The following ATE1 variants were observed in gnomAD, a reference collection of about 807,000 sequenced individuals.
The protein encoded by ATE1 is arginyltransferase 1, also known as arginyl-tRNA--protein transferase 1.
Under a neutral mutation model 70.5 loss-of-function variants are expected in ATE1, and 36 were observed. The observed-to-expected ratio is 0.51, with a 90% CI of 0.39 to 0.67. The LOEUF (loss-of-function observed/expected upper bound fraction) is 0.67. ATE1 is among the 30% of genes least tolerant of loss of function. The pLI is 0.00. For synonymous variants in ATE1, 232 were observed against 219.3 expected (o/e 1.06, Z -0.51); for missense variants, 593 against 629.5 (o/e 0.94, Z 0.62).
intron 7 of ATE1, chr10:121,898,733 A>G: frequency 1.5e-6 from 2 of 1,314,052 alleles, no homozygotes; most frequent in Non-Finnish European, 2.1e-6. Context: ...ACAGAAGTTC[A>G]GTAATACACA....
intron 1 of ATE1, among the ~76,000 whole-genome samples, chr10:121,926,092 A>T (rs1192436330): frequency 6.6e-6 from 1 of 151,488 alleles, no homozygotes; most frequent in African/African-American, 2.4e-5. Context: ...ACCTGTAATC[A>T]CAGCTACTCG....
chr10:121,760,187 T>C (rs571695506), intron 11 of ATE1, among the ~76,000 whole-genome samples: 88 of 152,354 alleles, frequency 5.8e-4, no homozygotes, highest in Non-Finnish European at 6.6e-4. Context: ...AGTGTTGTTT[T>C]CATGCCTGCT....
chr10:121,845,984 C>T (rs532336932), intron 8 of ATE1, among the ~76,000 whole-genome samples: 33 of 152,170 alleles, frequency 2.2e-4, no homozygotes, highest in African/African-American at 6.7e-4. Flanking sequence ...AATGAGCATT[C>T]CTAGCACCCA....
At chr10:121,910,512 CTG>C (rs1564955758) in intron 5 of ATE1, among the ~76,000 whole-genome samples, 2 of 151,970 alleles carry the variant, frequency 1.3e-5, no homozygotes, top group South Asian at 2.1e-4. Context: ...TAATGATAAA[CTG>C]AAGAATTTTA....
chr10:121,901,397 A>G (rs909725134), intron 6 of ATE1, among the ~76,000 whole-genome samples: 3 of 152,188 alleles, frequency 2.0e-5, no homozygotes, highest in Non-Finnish European at 4.4e-5. Flanking sequence ...AAGCTACAAA[A>G]TTCAAAGGCT....
chr10:121,862,909 A>G (rs1949526381), intron 8 of ATE1, among the ~76,000 whole-genome samples: 1 of 151,148 alleles, frequency 6.6e-6, no homozygotes, highest in Admixed American at 6.6e-5. Context: ...GAGATTTCTG[A>G]ATAACCCACC....
chr10:121,841,879 C>T (rs552643457), intron 8 of ATE1, among the ~76,000 whole-genome samples: 8 of 152,274 alleles, frequency 5.3e-5, no homozygotes, highest in East Asian at 1.9e-4. Context: ...CTTACCCAAA[C>T]ACCACCTGTT....
rs10603053 is a variant in ATE1 at position 121,851,090 on chromosome 10, C to CAAAAAA, written c.976-9833_976-9828dup. Among the ~76,000 whole-genome samples the CAAAAAA allele has an allele frequency of 3.5e-3, 152 of 43,228 alleles. 11 individuals carry two copies. The highest frequency in any genetic ancestry group is 9.5e-3 in the African/African-American group (96 of 10,132). The allele number at this position is 43,228 out of a possible 152,430, so 28.4% of individuals were successfully genotyped here. The stretch of plus-strand genomic sequence containing the variant: ...TGGGCCACAAAGCGAGACTCCATCT[C>CAAAAAA]AAAAAAAAAAAAAAAAAAAAAAAAA... On this transcript the variant is annotated intron_variant, in intron 8 of 11. Coordinates refer to ENST00000224652, the MANE Select transcript of ATE1 (RefSeq NM_001001976.3).
In ATE1 at chr10:121,928,021, T is replaced by C; in HGVS notation, c.-72A>G. 1 of 1,287,628 alleles carries C rather than the reference T, an allele frequency of 7.8e-7. No homozygotes were observed. The highest frequency in any genetic ancestry group is 9.8e-7 in the Non-Finnish European group (1 of 1,016,840). The allele number at this position is 1,287,628 out of a possible 1,614,324, so 79.8% of individuals were successfully genotyped here. ...CGCGGCCGCCGCCGCCACCCCACAA[T>C]GCAGCGCGCCGCCCGGGAGCCTCCC... On this transcript the variant is annotated 5_prime_UTR_variant, in exon 1 of 12. Coordinates refer to ENST00000224652, the MANE Select transcript of ATE1 (RefSeq NM_001001976.3).
chr10:121,849,026 C>T (rs575269128), intron 8 of ATE1, among the ~76,000 whole-genome samples: 14 of 152,096 alleles, frequency 9.2e-5, no homozygotes, highest in Non-Finnish European at 7.4e-5. Flanking sequence ...GCCTGGCCAA[C>T]GTGGTGAAAC....
intron 10 of ATE1, among the ~76,000 whole-genome samples, chr10:121,822,966 C>T (rs1242732014): frequency 6.6e-6 from 1 of 151,946 alleles, no homozygotes; most frequent in African/African-American, 2.4e-5. Context: ...AACCAGAGTC[C>T]AAGGAGAACT....
intron 11 of ATE1, among the ~76,000 whole-genome samples, chr10:121,762,330 A>G (rs1041688115): frequency 2.0e-5 from 3 of 152,164 alleles, no homozygotes; most frequent in Non-Finnish European, 2.9e-5. Context: ...AGAAAATTGC[A>G]CCTATGCTGT....
At chr10:121,780,154 G>T (rs1945921607) in intron 11 of ATE1, among the ~76,000 whole-genome samples, 1 of 152,098 alleles carries the variant, frequency 6.6e-6, no homozygotes, top group Non-Finnish European at 1.5e-5. Context: ...TTGCCTCCTT[G>T]ACATCTCTAC....
At chr10:121,826,602 G>A (rs796820899) in intron 10 of ATE1, among the ~76,000 whole-genome samples, 39 of 152,312 alleles carry the variant, frequency 2.6e-4, no homozygotes, top group African/African-American at 8.2e-4. Flanking sequence ...ACCGCACCTA[G>A]CAACAATAAT....
chr10:121,903,066 A>C, intron 5 of ATE1, among the ~76,000 whole-genome samples: 1 of 98,458 alleles, frequency 1.0e-5, no homozygotes, highest in African/African-American at 3.3e-5. Flanking sequence ...GAGTTTCACC[A>C]TGTTGGCCAG....
At chr10:121,848,619 A>AT (rs1424622493) in intron 8 of ATE1, among the ~76,000 whole-genome samples, 1 of 148,352 alleles carries the variant, frequency 6.7e-6, no homozygotes, top group African/African-American at 2.5e-5. Context: ...ACTCAAAAAA[A>AT]AAAAAAAAGG....
intron 3 of ATE1, among the ~76,000 whole-genome samples, chr10:121,920,337 G>C (rs778771986): frequency 4.0e-5 from 6 of 151,768 alleles, no homozygotes; most frequent in Non-Finnish European, 5.9e-5. Flanking sequence ...GGTGAGATCT[G>C]CCTAGGAAAC....
At chr10:121,928,188 T>A, upstream of ATE1, 1 of 1,290,056 alleles carries the variant, frequency 7.8e-7, no homozygotes, top group Non-Finnish European at 9.9e-7. Flanking sequence ...CCGTCGTCAG[T>A]GAGGGTGAGG....
chr10:121,904,117 G>A (rs1179939245), intron 5 of ATE1, among the ~76,000 whole-genome samples: 1 of 151,392 alleles, frequency 6.6e-6, no homozygotes, highest in Non-Finnish European at 1.5e-5. Flanking sequence ...AGAGTAGCTG[G>A]GAATACAGGT....
Sources: gnomAD v4.1 joint callset for allele counts (sites outside exome capture counted in the v4.1 genomes callset) on GRCh38, gnomAD v4.1.1 for gene constraint, MANE v1.5 for transcripts, NCBI Gene and HGNC (gene_info 2026-07-23, HGNC 2026-07-21) for gene names.